The following SYNPO variants were observed in gnomAD, a reference collection of about 807,000 sequenced individuals.
The protein encoded by SYNPO is synaptopodin.
In SYNPO, 19 loss-of-function variants were observed where a neutral mutation model predicts 49.5. The ratio of observed to expected loss-of-function variants is 0.38; its 90% confidence interval spans 0.27 to 0.56. The LOEUF (loss-of-function observed/expected upper bound fraction) is 0.56, where lower values mean the gene tolerates loss of function less well. SYNPO is among the 20% of genes least tolerant of loss of function. The pLI, the probability that SYNPO is intolerant of heterozygous loss-of-function variation, is 0.68. For missense variants in SYNPO, 1,131 were observed against 1,248.3 expected (o/e 0.91, Z 1.42); for synonymous variants, 536 against 548.0 (o/e 0.98, Z 0.31).
At chr5:150,588,387 C>T in the SYNPO span, among the ~76,000 whole-genome samples, 1 of 152,212 alleles carries the variant, frequency 6.6e-6, no homozygotes, top group South Asian at 2.1e-4. Flanking sequence ...ACTTCTGCAA[C>T]CCCAGCCTCT....
intron 2 of SYNPO, chr5:150,650,682 T>G (rs1758345235): frequency 7.1e-7 from 1 of 1,414,942 alleles, no homozygotes; most frequent in African/African-American, 1.4e-5. Flanking sequence ...GCTGGGGGAG[T>G]GGCCTAGAAG....
intron 1 of SYNPO, among the ~76,000 whole-genome samples, chr5:150,604,830 G>T (rs985545975): frequency 1.3e-5 from 2 of 152,168 alleles, no homozygotes; most frequent in Non-Finnish European, 2.9e-5. Context: ...GCTTAAGGAG[G>T]GGGTGTGATT....
intron 1 of SYNPO, among the ~76,000 whole-genome samples, chr5:150,643,236 C>T (rs1275211414): frequency 6.6e-6 from 1 of 152,198 alleles, no homozygotes; most frequent in Non-Finnish European, 1.5e-5. Context: ...AGCTCTACTC[C>T]TTCTGGCTCT....
intron 2 of SYNPO, among the ~76,000 whole-genome samples, chr5:150,625,135 G>A (rs998413082): frequency 4.6e-5 from 7 of 152,232 alleles, no homozygotes; most frequent in Non-Finnish European, 1.0e-4. Context: ...CTGAGGAGCG[G>A]GAGGACGCCC....
At chr5:150,635,436 A>G (rs1757683284) in intron 2 of SYNPO, among the ~76,000 whole-genome samples, 1 of 152,248 alleles carries the variant, frequency 6.6e-6, no homozygotes, top group South Asian at 2.1e-4. Context: ...TGCAGAGCTC[A>G]GAAGGAGAAG....
At chr5:150,633,308 T>C (rs1463895846) in intron 2 of SYNPO, among the ~76,000 whole-genome samples, 1 of 152,226 alleles carries the variant, frequency 6.6e-6, no homozygotes, top group African/African-American at 2.4e-5. Context: ...TCCGCACATA[T>C]AAGGCTTGCT....
At chr5:150,587,858 G>T in the SYNPO span, among the ~76,000 whole-genome samples, 1 of 152,148 alleles carries the variant, frequency 6.6e-6, no homozygotes, top group Admixed American at 6.5e-5. Flanking sequence ...TGTGTGACTT[G>T]GGACAAGTCA....
At chr5:150,654,798 T>C (rs1758500994) in intron 2 of SYNPO, among the ~76,000 whole-genome samples, 1 of 152,166 alleles carries the variant, frequency 6.6e-6, no homozygotes, top group African/African-American at 2.4e-5. Context: ...GGCAAATGGT[T>C]TGGGGCTGAG....
rs545623759 is a variant in SYNPO at position 150,615,746 on chromosome 5, G to A, written c.-265-2357G>A. Among the ~76,000 whole-genome samples, 3 of 152,316 alleles carry A rather than the reference G, an allele frequency of 2.0e-5. No homozygotes were observed. In the South Asian group the frequency reaches 6.2e-4, roughly 32 times the overall value. ...GAGAAAGCACCTGGAGATGAATGAG[G>A]GCCTGGAGCCTCTCCTCCATGTCTC... On this transcript the variant is annotated intron_variant, in intron 1 of 2. Transcript: ENST00000394243.
At position 150,607,536 on chromosome 5, in the gene SYNPO, T is replaced by C. The variant is rs546671562; in HGVS notation, c.-266+6348T>C. 1.4e-4 allele frequency among the ~76,000 whole-genome samples: 21 copies of C among 152,342 alleles called. No individual in the cohort carries two copies. In the East Asian group the frequency reaches 1.7e-3, roughly 13 times the overall value. On this transcript the variant is annotated intron_variant, in intron 1 of 2. Coordinates refer to the SYNPO transcript ENST00000394243. ...AGCTGATCTTTATTGAAGACTTTCT[T>C]TGCCAAGCACATTTAAATGAGAGGT...
upstream of SYNPO, among the ~76,000 whole-genome samples, chr5:150,639,562 G>A (rs149677196): frequency 6.0e-3 from 908 of 152,278 alleles, 6 homozygotes; most frequent in Non-Finnish European, 9.2e-3. Context: ...CAGTCAGACC[G>A]CAGGGGCCCC....
At chr5:150,645,054 T>C (rs917715038) in intron 1 of SYNPO, among the ~76,000 whole-genome samples, 3 of 152,160 alleles carry the variant, frequency 2.0e-5, no homozygotes, top group African/African-American at 7.2e-5. Context: ...CACAGCTTCT[T>C]TGCTCTGTGT....
In SYNPO at chr5:150,649,865, A is replaced by C. The variant is rs1283333883; in HGVS notation, c.1590A>C (p.Arg530=). The C allele has an allele frequency of 1.2e-6, 2 of 1,608,870 alleles. No individual in the cohort carries two copies. The highest frequency in any genetic ancestry group is 2.7e-5 in the African/African-American group (2 of 74,854). ...CCACTAACGCCCCCGGGGCCTTCCG[A>C]GTGGCATCCCGAAGCCCAGCCCGGA... ...KYPTNAPGAF[R]VASRSPARTP... Residue 530 remains arginine, a synonymous_variant, in exon 2 of 3, where the codon CGA becomes CGC. Coordinates refer to ENST00000307662, the MANE Select transcript of SYNPO (RefSeq NM_007286.6).
chr5:150,644,648 C>T (rs1357323857), intron 1 of SYNPO, among the ~76,000 whole-genome samples: 2 of 152,156 alleles, frequency 1.3e-5, no homozygotes, highest in Non-Finnish European at 2.9e-5. Flanking sequence ...CTGAGAGGTA[C>T]AGTAACTTGC....
At position 150,656,617 on chromosome 5, in the gene SYNPO, C is replaced by G. The variant is rs778369948; in HGVS notation, c.2242C>G (p.Pro748Ala). The G allele has an allele frequency of 5.3e-6, 8 of 1,511,786 alleles. No individual in the cohort carries two copies. The highest frequency in any genetic ancestry group is 5.3e-6 in the Non-Finnish European group (6 of 1,137,700). The allele number at this position is 1,511,786 out of a possible 1,614,324, so 93.6% of individuals were successfully genotyped here. Residue 748 changes from proline to alanine, a missense_variant, in exon 3 of 3, where the codon CCC becomes GCC. Transcript: ENST00000307662. ...SPLRPETEAR[P>A]PSRQLQALLA... ...GCTGCGACCTGAGACCGAGGCGCGG[C>G]CCCCCAGCCGCCAGCTGCAGGCGCT...
upstream of SYNPO, chr5:150,640,600 C>G: frequency 1.0e-6 from 1 of 964,006 alleles, no homozygotes; most frequent in Non-Finnish European, 1.2e-6. Context: ...GGTAGATTGG[C>G]GGGGGAGAGA....
rs1360038423 is a variant in SYNPO at position 150,656,777 on chromosome 5, G to T, written c.2402G>T (p.Arg801Leu). ...PPPPPPPPPP[R>L]MRSPQPARPG... ...CCCCCGCCCCCGCCCCCGCCCCCGCGCATGCGCTCGCCACAGCCCGCCCGC... is the reference window on the plus strand; with the variant it reads ...CCCCCGCCCCCGCCCCCGCCCCCGCTCATGCGCTCGCCACAGCCCGCCCGC... The change falls in exon 3 of 3, where the codon CGC becomes CTC. Residue 801 changes from arginine to leucine, a missense_variant. Physicochemically the swap from Arg to Leu is moderately radical, Grantham distance 102 (BLOSUM62 -2). Around this residue, in one of 4 missense-constraint regions of SYNPO, gnomAD observed 509 missense variants for 484.5 expected, o/e 1.05. Coordinates refer to ENST00000307662, the MANE Select transcript of SYNPO (RefSeq NM_007286.6). The T allele has an allele frequency of 9.0e-5, 71 of 793,120 alleles. 1 individual carries two copies. In the South Asian group the frequency reaches 2.7e-3, roughly 30 times the overall value. The allele number at this position is 793,120 out of a possible 1,614,324, so 49.1% of individuals were successfully genotyped here.
chr5:150,644,460 C>T (rs1758018908), intron 1 of SYNPO, among the ~76,000 whole-genome samples: 2 of 152,202 alleles, frequency 1.3e-5, no homozygotes, highest in South Asian at 2.1e-4. Context: ...ATCCCCTGTG[C>T]TAGAAGAGTA....
chr5:150,642,166 A>G (rs7737884), intron 1 of SYNPO, among the ~76,000 whole-genome samples: 82,015 of 152,186 alleles, frequency 0.54, 24,804 homozygotes, highest in African/African-American at 0.83. Flanking sequence ...GGGCTGCAGC[A>G]GGGGCTCAGT....
Sources: allele counts gnomAD v4.1 joint callset (sites outside exome capture counted in the v4.1 genomes callset), GRCh38; gene constraint gnomAD v4.1.1; regional missense constraint gnomAD v4.1.1; transcripts MANE v1.5; gene names NCBI Gene and HGNC (gene_info 2026-07-23, HGNC 2026-07-21).